Variants in MAML1 observed in about 807,000 individuals in gnomAD.
MAML1 encodes the protein mastermind like transcriptional coactivator 1, also known as mastermind-like protein 1.
MAML1 carries 14 observed loss-of-function variants against 77.1 expected under a neutral mutation model. The ratio of observed to expected loss-of-function variants is 0.18; its 90% CI spans 0.12 to 0.28. The LOEUF is 0.28. Among genes scored for constraint, MAML1 ranks in the 10% least tolerant of loss-of-function variants. The pLI is 1.00. For synonymous variants in MAML1, 516 were observed against 551.9 expected, an observed-to-expected ratio of 0.93 and a Z score of 0.91; for missense variants, 1,217 against 1,327.8, an observed-to-expected ratio of 0.92 and a Z score of 1.30.
intron 2 of MAML1, 145 bp from the exon 3 acceptor site, chr5:179,768,705 C>G (rs190992911): frequency 9.5e-7 from 1 of 1,053,720 alleles, no homozygotes; most frequent in African/African-American, 1.6e-5. Flanking sequence ...GGTCTGTGCT[C>G]CAGCCCTGTG....
At chr5:179,738,419 T>C (rs1314256953) in intron 1 of MAML1, among the ~76,000 whole-genome samples, 1 of 152,230 alleles carries the variant, frequency 6.6e-6, no homozygotes, top group African/African-American at 2.4e-5. Context: ...GATACTGTAC[T>C]GTAATCATGT....
rs1339207614 is a variant in MAML1, at chr5:179,769,565, T to G, written c.1971+476T>G. On this transcript the variant is annotated intron_variant, in intron 3 of 4. Transcript: ENST00000292599. This position sits in a 1 kb window ranked among gnomAD's most constrained non-coding sequence, Gnocchi z 4.2. ...AGGGTTACAAGTGAGAGTTCTTTTT[T>G]TTTTTTGGAGACAGAGTCTTGCTGT... Among the ~76,000 whole-genome samples the G allele has an allele frequency of 1.3e-5, 2 of 152,102 alleles. No homozygotes were observed. Among genetic ancestry groups the G allele is most frequent in the Non-Finnish European group, 2.9e-5 (2 of 68,002 alleles).
At position 179,733,353 on chromosome 5, in the gene MAML1, A is replaced by C. The variant is rs1181039293; in HGVS notation, c.241A>C (p.Thr81Pro). The change falls in exon 1 of 5, where the codon ACG becomes CCG. Residue 81 changes from threonine to proline, a missense_variant. This residue lies in a region of MAML1 where 312 missense variants were observed against 331.4 expected (regional missense o/e 0.94). Coordinates refer to ENST00000292599, the MANE Select transcript of MAML1 (RefSeq NM_014757.5). ...AGKHRQPPAA[T>P]APAPAAPAPR... ...GAAGCACAGGCAGCCGCCCGCCGCCACGGCCCCGGCGCCCGCCGCCCCGGC... is the reference window on the plus strand; with the variant it reads ...GAAGCACAGGCAGCCGCCCGCCGCCCCGGCCCCGGCGCCCGCCGCCCCGGC... 3.9e-4 allele frequency: 505 copies of C among 1,278,692 alleles called. 1 individual carries two copies. In the Middle Eastern group the frequency reaches 6.1e-3, roughly 15 times the overall value. The allele number at this position is 1,278,692 out of a possible 1,614,324, so 79.2% of individuals were successfully genotyped here.
intron 1 of MAML1, among the ~76,000 whole-genome samples, chr5:179,739,584 C>T (rs970612849): frequency 5.3e-5 from 8 of 151,976 alleles, no homozygotes; most frequent in Admixed American, 1.3e-4. Flanking sequence ...CTCGGGAGAC[C>T]GAAGTAGGAG....
rs71001043 is a variant in MAML1 at position 179,743,046 on chromosome 5, C to CT, written c.315+9642dup. On this transcript the variant is annotated intron_variant, in intron 1 of 4. Transcript: ENST00000292599. ...TTGAAATACTGTGAACCCCTTCACA[C>CT]TTTTTTTTTTTTTTTTTTTTTTTGA... Among the ~76,000 whole-genome samples, 487 of 69,616 alleles carry CT rather than the reference C, an allele frequency of 7.0e-3. 8 individuals carry two copies. Among genetic ancestry groups the CT allele is most frequent in the African/African-American group, 0.018 (402 of 21,738 alleles). The allele number at this position is 69,616 out of a possible 152,430, so 45.7% of individuals were successfully genotyped here. A position where few individuals can be genotyped will look rare whatever the true frequency, so the allele number is the denominator to read the frequency against.
At chr5:179,767,180 G>A (rs148278531) in intron 2 of MAML1, among the ~76,000 whole-genome samples, 57 of 148,394 alleles carry the variant, frequency 3.8e-4, no homozygotes, top group Admixed American at 1.2e-3. Context: ...TAACATTGTA[G>A]GCATGTGCTG....
intron 1 of MAML1, among the ~76,000 whole-genome samples, chr5:179,750,054 G>A (rs774367422): frequency 4.6e-5 from 7 of 152,254 alleles, no homozygotes; most frequent in Admixed American, 1.3e-4. Flanking sequence ...ACCTCCTGGA[G>A]CCTCCATCCA....
chr5:179,774,508 C>G lies in MAML1; in HGVS notation c.2682C>G (p.Ser894Arg), dbSNP rs771710003. 1 of 1,613,200 alleles carries G rather than the reference C, an allele frequency of 6.2e-7. No individual in the cohort carries two copies. The highest frequency in any genetic ancestry group is 8.5e-7 in the Non-Finnish European group (1 of 1,180,032). The change falls in exon 5 of 5, where the codon AGC (serine) becomes AGG (arginine). Residue 894 changes from serine to arginine, a missense_variant. This residue lies in a region of MAML1 where 884 missense variants were observed against 949.3 expected (regional missense o/e 0.93). Transcript: ENST00000292599. ...AVPNRPMAPMSSAAAVGSLLP... is the reference protein window; with the variant it reads ...AVPNRPMAPMRSAAAVGSLLP... ...CCAACAGGCCCATGGCTCCCATGAG[C>G]TCAGCAGCTGCCGTGGGGTCCTTGC...
At chr5:179,741,395 T>A (rs533973586) in intron 1 of MAML1, among the ~76,000 whole-genome samples, 40 of 152,194 alleles carry the variant, frequency 2.6e-4, no homozygotes, top group African/African-American at 8.7e-4. Context: ...TTTAAAGAAT[T>A]GACTCTTGGC....
Position 179,765,428 on chromosome 5 carries a change from A to T in MAML1, c.418A>T (p.Thr140Ser), listed in dbSNP as rs1348342621. ...GGACCTCTTTCCTGGGCATAAGAAG[A>T]CTCGCCGGGAGGCCCCTCTGGGAGT... ...YGDLFPGHKKTRREAPLGVAI... is the reference protein window; with the variant it reads ...YGDLFPGHKKSRREAPLGVAI... The change falls in exon 2 of 5, where the codon ACT (threonine) becomes TCT (serine). Residue 140 changes from threonine to serine, a missense_variant. Around this residue, in one of 3 missense-constraint regions of MAML1, gnomAD observed 312 missense variants for 331.4 expected, o/e 0.94. Coordinates refer to ENST00000292599, the MANE Select transcript of MAML1 (RefSeq NM_014757.5). The T allele has an allele frequency of 8.7e-6, 14 of 1,614,016 alleles. No individual in the cohort carries two copies. The highest frequency in any genetic ancestry group is 9.3e-6 in the Non-Finnish European group (11 of 1,180,004).
chr5:179,770,777 G>C (rs531403718), intron 3 of MAML1, among the ~76,000 whole-genome samples: 32 of 152,144 alleles, frequency 2.1e-4, no homozygotes, highest in Non-Finnish European at 4.4e-4. Flanking sequence ...CCCACAGGCT[G>C]TCTCATTTTA....
At chr5:179,738,932 C>T (rs1356022451) in intron 1 of MAML1, among the ~76,000 whole-genome samples, 4 of 149,964 alleles carry the variant, frequency 2.7e-5, no homozygotes, top group African/African-American at 9.7e-5. Context: ...AGGCGTGAGC[C>T]ACCACACCCA....
At chr5:179,765,243 A>C (rs986218173) in intron 1 of MAML1, 83 bp from the exon 2 acceptor site, 4 of 1,189,284 alleles carry the variant, frequency 3.4e-6, no homozygotes, top group Non-Finnish European at 4.8e-6. Flanking sequence ...CGAGCATTGC[A>C]GGGACATCAG....
intron 1 of MAML1, among the ~76,000 whole-genome samples, chr5:179,742,878 T>G (rs1423844076): frequency 6.6e-6 from 1 of 152,076 alleles, no homozygotes; most frequent in African/African-American, 2.4e-5. Flanking sequence ...TCTTATCAGG[T>G]GGTATTTAAT....
chr5:179,750,307 A>G (rs376329318), intron 1 of MAML1, among the ~76,000 whole-genome samples: 1 of 152,142 alleles, frequency 6.6e-6, no homozygotes, highest in South Asian at 2.1e-4. Flanking sequence ...ATTTGGAATC[A>G]TAAGTCCCAC....
Position 179,733,286 on chromosome 5 carries a change from C to T in MAML1, c.174C>T (p.Ala58=). 2 of 1,455,976 alleles carry T rather than the reference C, an allele frequency of 1.4e-6. No individual in the cohort carries two copies. Among genetic ancestry groups the T allele is most frequent in the South Asian group, 1.3e-5 (1 of 78,714 alleles). The allele number at this position is 1,455,976 out of a possible 1,614,324, so 90.2% of individuals were successfully genotyped here. A position where few individuals can be genotyped will look rare whatever the true frequency, so the allele number is the denominator to read the frequency against. The change falls in exon 1 of 5, where the codon GCC becomes GCT. Residue 58 remains alanine, a synonymous_variant. Coordinates refer to ENST00000292599, the MANE Select transcript of MAML1 (RefSeq NM_014757.5). ...AGCTGGAGCGCCAACACACCTTCGCCCTGCACCAGCGCTGCATCCAGGCCA... is the reference window on the plus strand; with the variant it reads ...AGCTGGAGCGCCAACACACCTTCGCTCTGCACCAGCGCTGCATCCAGGCCA... ...RLELERQHTF[A]LHQRCIQAKA... is the part of the protein sequence containing the mutation.
intron 1 of MAML1, among the ~76,000 whole-genome samples, chr5:179,744,268 T>A (rs1290983784): frequency 6.6e-6 from 1 of 152,090 alleles, no homozygotes; most frequent in African/African-American, 2.4e-5. Flanking sequence ...CACCGCAACC[T>A]CCACTCCCCC....
At chr5:179,738,167 C>T (rs1779209441) in intron 1 of MAML1, among the ~76,000 whole-genome samples, 1 of 151,966 alleles carries the variant, frequency 6.6e-6, no homozygotes, top group Admixed American at 6.6e-5. Context: ...CTGTTGTGCC[C>T]CATTTGTTAT....
intron 1 of MAML1, among the ~76,000 whole-genome samples, chr5:179,752,323 T>TC (rs1329360308): frequency 0.01 from 132 of 12,976 alleles, no homozygotes; most frequent in African/African-American, 0.021. Context: ...AGACTCTGTC[T>TC]CCAAAAAAAA....
Sources: gnomAD v4.1 joint callset for allele counts (sites outside exome capture counted in the v4.1 genomes callset) on GRCh38, gnomAD v4.1.1 for gene constraint, gnomAD v4.1.1 regional missense constraint, Gnocchi (gnomAD v3.1) non-coding constraint, MANE v1.5 for transcripts, NCBI Gene and HGNC (gene_info 2026-07-23, HGNC 2026-07-21) for gene names.